Variants in POT1 observed in about 807,000 individuals in gnomAD.
POT1 encodes the protein protection of telomeres protein 1.
In POT1, 47 loss-of-function variants were observed where a neutral mutation model predicts 78.5. The observed-to-expected ratio is 0.60, with a 90% CI of 0.47 to 0.76. The LOEUF is 0.76. POT1 is among the 30% of genes least tolerant of loss of function. POT1 has a pLI of 0.00. For synonymous variants in POT1, 259 were observed against 260.7 expected (o/e 0.99, Z 0.06); for missense variants, 646 against 749.9 (o/e 0.86, Z 1.62).
chr7:124,836,397 A>C (rs1794901795), intron 14 of POT1, among the ~76,000 whole-genome samples: 1 of 152,120 alleles, frequency 6.6e-6, no homozygotes. Flanking sequence ...GCTAGATAGA[A>C]ACTCTCATTA....
At chr7:124,868,237 T>TTCTA (rs1795778792) in intron 7 of POT1, among the ~76,000 whole-genome samples, 2 of 152,158 alleles carry the variant, frequency 1.3e-5, no homozygotes, top group African/African-American at 4.8e-5. Flanking sequence ...TCAAAGCTAG[T>TTCTA]GGAACTGTCA....
intron 6 of POT1, among the ~76,000 whole-genome samples, chr7:124,879,860 CCACAATA>C (rs753542518): frequency 7.5e-4 from 114 of 152,096 alleles, no homozygotes; most frequent in Non-Finnish European, 1.4e-3. Context: ...AAAACAAATC[CCACAATA>C]CACAATACAA....
intron 7 of POT1, among the ~76,000 whole-genome samples, chr7:124,865,466 T>C (rs974878128): frequency 2.6e-5 from 4 of 152,014 alleles, no homozygotes; most frequent in African/African-American, 7.2e-5. Flanking sequence ...TAATTTGTAT[T>C]TAATCCTTGT....
At chr7:124,843,155 G>A (rs1012566064) in intron 12 of POT1, 192 bp from the exon 13 acceptor site, 1 of 394,726 alleles carries the variant, frequency 2.5e-6, no homozygotes. Context: ...AGGCACAGTA[G>A]GTACTCAACA....
intron 2 of POT1, among the ~76,000 whole-genome samples, chr7:124,917,721 A>C (rs1305614785): frequency 1.3e-5 from 2 of 152,224 alleles, no homozygotes; most frequent in Admixed American, 6.5e-5. Context: ...TCCAACTAGA[A>C]GAAAAGTCTC....
At chr7:124,832,247 G>A (rs1338217503) in intron 15 of POT1, among the ~76,000 whole-genome samples, 2 of 78,046 alleles carry the variant, frequency 2.6e-5, no homozygotes, top group Non-Finnish European at 4.8e-5. Flanking sequence ...GAATGACACT[G>A]TCTCCAAAAA....
rs1796415680 is a variant in POT1 at position 124,893,262 on chromosome 7, C to G, written c.10-882G>C. Reference sequence around the variant, plus strand: ...AACTTGTGGTACAATTTCTCTCTTCCCCTTACCCCCATGCTATTATAGAGA... The same window carrying G: ...AACTTGTGGTACAATTTCTCTCTTCGCCTTACCCCCATGCTATTATAGAGA... On this transcript the variant is annotated intron_variant, in intron 5 of 18. Coordinates refer to ENST00000357628, the MANE Select transcript of POT1 (RefSeq NM_015450.3). 2.0e-5 allele frequency among the ~76,000 whole-genome samples: 3 copies of G among 151,290 alleles called. No individual in the cohort carries two copies. In the East Asian group the frequency reaches 5.8e-4, roughly 29 times the overall value.
chr7:124,864,467 C>CT (rs1264309185), intron 7 of POT1, among the ~76,000 whole-genome samples: 1 of 151,916 alleles, frequency 6.6e-6, no homozygotes, highest in East Asian at 1.9e-4. Flanking sequence ...ATTTGTTTTC[C>CT]TTTTTTTCAT....
chr7:124,927,503 A>G (rs1797302402), intron 2 of POT1, among the ~76,000 whole-genome samples: 1 of 152,214 alleles, frequency 6.6e-6, no homozygotes, highest in Non-Finnish European at 1.5e-5. Flanking sequence ...CCTACTAGAC[A>G]ACAATCTATA....
chr7:124,897,862 A>C (rs543924145), intron 4 of POT1, among the ~76,000 whole-genome samples: 1 of 152,044 alleles, frequency 6.6e-6, no homozygotes, highest in East Asian at 1.9e-4. Context: ...TTAAAAGAGG[A>C]AAGGAGAGGA....
In POT1 at chr7:124,835,353, T is replaced by A. The variant is rs751455733; in HGVS notation, c.1431A>T (p.Arg477Ser). 1.9e-6 allele frequency: 3 copies of A among 1,614,110 alleles called. No homozygotes were observed. The highest frequency in any genetic ancestry group is 2.5e-6 in the Non-Finnish European group (3 of 1,179,988). The change falls in exon 15 of 19, where the codon AGA becomes AGT. Residue 477 changes from arginine to serine, a missense_variant. Transcript: ENST00000357628. ...SNKFNSVIPV[R>S]SGHEDLELLD... ...AAAGTTCCAGGTCTTCGTGGCCAGATCTCACAGGAATTACACTATTAAACT... is the reference window on the plus strand; with the variant it reads ...AAAGTTCCAGGTCTTCGTGGCCAGAACTCACAGGAATTACACTATTAAACT...
At chr7:124,833,169 CTG>C (rs752493046) in intron 15 of POT1, among the ~76,000 whole-genome samples, 10 of 152,040 alleles carry the variant, frequency 6.6e-5, no homozygotes, top group Non-Finnish European at 2.9e-5. Context: ...GAATTAGACA[CTG>C]AGTATATCAG....
chr7:124,919,706 G>C (rs1797101737), intron 2 of POT1, among the ~76,000 whole-genome samples: 1 of 152,116 alleles, frequency 6.6e-6, no homozygotes, highest in Admixed American at 6.5e-5. Context: ...CAACCCTGCA[G>C]CCACTTTGAT....
At chr7:124,912,189 T>A (rs1796904008) in intron 3 of POT1, among the ~76,000 whole-genome samples, 1 of 152,072 alleles carries the variant, frequency 6.6e-6, no homozygotes, top group Non-Finnish European at 1.5e-5. Flanking sequence ...ATATTCTGTC[T>A]TGAGTTCTTT....
At chr7:124,838,565 G>A (rs1794949159) in intron 14 of POT1, among the ~76,000 whole-genome samples, 1 of 151,866 alleles carries the variant, frequency 6.6e-6, no homozygotes, top group Non-Finnish European at 1.5e-5. Context: ...ATAACATCAA[G>A]TTGTTAGTTC....
Position 124,863,492 on chromosome 7 carries a change from G to A in POT1, c.404C>T (p.Ala135Val). 1 of 1,613,958 alleles carries A rather than the reference G, an allele frequency of 6.2e-7. No homozygotes were observed. Among genetic ancestry groups the A allele is most frequent in the Non-Finnish European group, 8.5e-7 (1 of 1,179,898 alleles). The part of the protein sequence containing the change: ...FTTEDHKMVE[A>V]LRVWASTHMS... Reference sequence around the variant, plus strand: ...ATGAGTAGATGCCCAAACACGTAAGGCTTCTACCATTTTGTGGTCCTCAGT... The same window carrying A: ...ATGAGTAGATGCCCAAACACGTAAGACTTCTACCATTTTGTGGTCCTCAGT... The change falls in exon 8 of 19, where the codon GCC becomes GTC. Residue 135 changes from alanine to valine, a missense_variant. Ala to Val is a moderately conservative substitution (Grantham distance 64, BLOSUM62 0). Around this residue, in one of 2 missense-constraint regions of POT1, gnomAD observed 252 missense variants for 341.4 expected, o/e 0.74. Transcript: ENST00000357628.
At chr7:124,846,637 ACT>A (rs1344169914) in intron 12 of POT1, among the ~76,000 whole-genome samples, 1 of 151,902 alleles carries the variant, frequency 6.6e-6, no homozygotes, top group East Asian at 1.9e-4. Flanking sequence ...AAGTCATGTA[ACT>A]CTAACAGAGA....
intron 14 of POT1, among the ~76,000 whole-genome samples, chr7:124,836,976 T>C (rs2116449220): frequency 6.6e-6 from 1 of 152,298 alleles, no homozygotes; most frequent in South Asian, 2.1e-4. Context: ...AAGAAAGACA[T>C]TTACATGTAT....
At chr7:124,844,603 C>T (rs567284960) in intron 12 of POT1, among the ~76,000 whole-genome samples, 161 of 150,784 alleles carry the variant, frequency 1.1e-3, no homozygotes, top group African/African-American at 3.4e-3. Flanking sequence ...GGTGTGGTGG[C>T]GGGCACCTGT....
Sources: gnomAD v4.1 joint callset for allele counts (sites outside exome capture counted in the v4.1 genomes callset) on GRCh38, gnomAD v4.1.1 for gene constraint, gnomAD v4.1.1 regional missense constraint, MANE v1.5 for transcripts, NCBI Gene and HGNC (gene_info 2026-07-23, HGNC 2026-07-21) for gene names.